The following LIMK2 variants were observed in gnomAD, a reference collection of about 807,000 sequenced individuals.
The protein encoded by LIMK2 is LIM domain kinase 2.
Under a neutral mutation model 75.7 loss-of-function variants are expected in LIMK2, and 35 were observed. The observed-to-expected ratio is 0.46, with a 90% CI of 0.35 to 0.61. LIMK2 has a LOEUF of 0.61. Ranked by LOEUF, LIMK2 falls within the 20% of genes least tolerant of loss-of-function variation. The probability of loss-of-function intolerance (pLI) is 0.00; values close to 1 mark genes in which losing one functional copy is unlikely to be tolerated. For synonymous variants in LIMK2, 301 were observed against 319.2 expected, an observed-to-expected ratio of 0.94 and a Z score of 0.61; for missense variants, 623 against 831.0, an observed-to-expected ratio of 0.75 and a Z score of 3.08.
chr22:31,228,415 A>G (rs2048497437), intron 2 of LIMK2, among the ~76,000 whole-genome samples: 1 of 151,982 alleles, frequency 6.6e-6, no homozygotes, highest in Non-Finnish European at 1.5e-5. Flanking sequence ...GGGAAACTCC[A>G]TCGCAAAAAA....
chr22:31,252,532 CTCTG>C (rs2048734984), intron 2 of LIMK2, among the ~76,000 whole-genome samples: 1 of 132,318 alleles, frequency 7.6e-6, no homozygotes, highest in Non-Finnish European at 1.6e-5. Context: ...CAGAGTAAGA[CTCTG>C]TCTCTTAAAA....
intron 2 of LIMK2, among the ~76,000 whole-genome samples, chr22:31,252,312 G>T (rs1427962237): frequency 1.3e-5 from 2 of 152,074 alleles, no homozygotes; most frequent in Non-Finnish European, 2.9e-5. Context: ...GGAGGCCAAG[G>T]CTGGAGGATC....
At chr22:31,258,459 G>A (rs1455910798) in intron 3 of LIMK2, 33 bp downstream of exon 3, 8 of 1,611,700 alleles carry the variant, frequency 5.0e-6, no homozygotes, top group Non-Finnish European at 6.8e-6. Flanking sequence ...GCCCCTCTTG[G>A]TCTTCAGAGT....
At chr22:31,232,090 C>T (rs935134587) in intron 2 of LIMK2, among the ~76,000 whole-genome samples, 5 of 151,774 alleles carry the variant, frequency 3.3e-5, no homozygotes, top group African/African-American at 9.7e-5. Flanking sequence ...CTTGGGATTA[C>T]GGAAGTAAGC....
At chr22:31,217,131 G>GT (rs1468119143) in intron 1 of LIMK2, among the ~76,000 whole-genome samples, 1 of 152,140 alleles carries the variant, frequency 6.6e-6, no homozygotes, top group Non-Finnish European at 1.5e-5. Flanking sequence ...GCCAGGTGCA[G>GT]TGGCTCACGC....
At position 31,248,277 on chromosome 22, in the gene LIMK2, A is replaced by G. The variant is rs942170988; in HGVS notation, c.117-10014A>G. 4 of 1,111,270 alleles carry G rather than the reference A, an allele frequency of 3.6e-6. No individual in the cohort carries two copies. In the African/African-American group the frequency reaches 5.0e-5, roughly 14 times the overall value. 68.8% of individuals were successfully genotyped at this position (1,111,270 alleles called of 1,614,324 possible). A position where few individuals can be genotyped will look rare whatever the true frequency, so the allele number is the denominator to read the frequency against. On this transcript the variant is annotated intron_variant, in intron 2 of 15. Coordinates refer to ENST00000331728, the MANE Select transcript of LIMK2 (RefSeq NM_005569.4). ...GGTCTGTTTCCTAACAGCTGCTCCA[A>G]CCACACACCTCGGTTCTGCGGGAGC...
chr22:31,257,136 C>T (rs932121320), intron 2 of LIMK2, among the ~76,000 whole-genome samples: 2 of 145,888 alleles, frequency 1.4e-5, no homozygotes, highest in African/African-American at 5.0e-5. Context: ...AAGTGATCCT[C>T]CCACCTCAGC....
rs1236499816 is a variant in LIMK2 at position 31,260,063 on chromosome 22, T to C, written c.537T>C (p.Thr179=). The C allele has an allele frequency of 1.3e-6, 2 of 1,578,926 alleles. No individual in the cohort carries two copies. Among genetic ancestry groups the C allele is most frequent in the Non-Finnish European group, 1.7e-6 (2 of 1,165,986 alleles). ...VESACSNYAT[T]VQVKEVNRMH... The stretch of plus-strand genomic sequence containing the variant: ...GTGCCTGCTCCAACTACGCCACCAC[T>C]GTGCAAGTGAAAGAGTAAGTATTTT... Residue 179 remains threonine, a synonymous_variant, in exon 5 of 16, where the codon ACT becomes ACC. Transcript: ENST00000331728.
At chr22:31,231,285 G>T (rs1462541284) in intron 2 of LIMK2, among the ~76,000 whole-genome samples, 1 of 152,188 alleles carries the variant, frequency 6.6e-6, no homozygotes, top group African/African-American at 2.4e-5. Flanking sequence ...GTCAACAAAA[G>T]TGCTGTTAAC....
At chr22:31,251,009 G>A (rs2048720087) in intron 2 of LIMK2, among the ~76,000 whole-genome samples, 1 of 152,172 alleles carries the variant, frequency 6.6e-6, no homozygotes, top group South Asian at 2.1e-4. Flanking sequence ...GGGAGCAAGG[G>A]AATGAAGAAT....
intron 4 of LIMK2, 84 bp from the exon 5 acceptor site, chr22:31,259,805 C>G: frequency 8.1e-7 from 1 of 1,235,118 alleles, no homozygotes; most frequent in Non-Finnish European, 1.1e-6. Context: ...GGTACTGTTG[C>G]TTAAAGCCAC....
chr22:31,278,004 G>A (rs754164595), intron 15 of LIMK2, among the ~76,000 whole-genome samples: 2 of 152,122 alleles, frequency 1.3e-5, no homozygotes, highest in African/African-American at 2.4e-5. Flanking sequence ...TGGTGTTTCC[G>A]ATTCCACCTT....
Position 31,265,812 on chromosome 22 carries a change from C to T in LIMK2, c.855-134C>T, listed in dbSNP as rs575814322. 20 of 668,848 alleles carry T rather than the reference C, an allele frequency of 3.0e-5. No homozygotes were observed. The East Asian group carries it at 5.3e-4, about 18-fold the overall frequency. The allele number at this position is 668,848 out of a possible 1,614,324, so 41.4% of individuals were successfully genotyped here. ...AAAATGATACATCTGATGTAAGAGC[C>T]CCTGTTCCCCAATAATAACATCTAA... is the stretch of plus-strand genomic sequence containing the variant. On this transcript the variant is annotated intron_variant, in intron 7 of 15. Coordinates refer to ENST00000331728, the MANE Select transcript of LIMK2 (RefSeq NM_005569.4).
intron 11 of LIMK2, among the ~76,000 whole-genome samples, chr22:31,268,629 T>C (rs1334024524): frequency 6.6e-6 from 1 of 152,094 alleles, no homozygotes; most frequent in Non-Finnish European, 1.5e-5. Context: ...AGGATTGAAG[T>C]GACAGGAGCA....
intron 2 of LIMK2, among the ~76,000 whole-genome samples, chr22:31,256,003 TTTTTTTTTTTTTTG>T (rs2048776231): frequency 8.5e-6 from 1 of 117,768 alleles, no homozygotes; most frequent in African/African-American, 3.5e-5. Context: ...TTTTTTTTTT[TTTTTTTTTTTTTTG>T]AGACGGAATC....
chr22:31,238,006 T>C (rs1243891631), intron 2 of LIMK2, among the ~76,000 whole-genome samples: 3 of 150,416 alleles, frequency 2.0e-5, no homozygotes, highest in African/African-American at 7.4e-5. Flanking sequence ...TCCCAGCTAC[T>C]TGGGAGGCCG....
intron 12 of LIMK2, 41 bp from the exon 13 acceptor site, chr22:31,272,489 A>G: frequency 6.4e-7 from 1 of 1,562,074 alleles, no homozygotes; most frequent in Non-Finnish European, 8.7e-7. Context: ...CAGGTTTGAG[A>G]ACATCCCCAT....
intron 14 of LIMK2, 138 bp downstream of exon 14, chr22:31,273,645 G>C (rs1388598175): frequency 2.3e-5 from 16 of 681,648 alleles, no homozygotes; most frequent in Non-Finnish European, 4.2e-5. Context: ...GGTTTATAAC[G>C]CATCTGCACA....
At chr22:31,272,438 C>G (rs1601444876) in intron 12 of LIMK2, 92 bp from the exon 13 acceptor site, 1 of 1,239,542 alleles carries the variant, frequency 8.1e-7, no homozygotes, top group Non-Finnish European at 1.1e-6. Context: ...CTTTTCTCCC[C>G]TTCTCAGTGG....
Sources: allele counts gnomAD v4.1 joint callset (sites outside exome capture counted in the v4.1 genomes callset), GRCh38; gene constraint gnomAD v4.1.1; transcripts MANE v1.5; gene names NCBI Gene and HGNC (gene_info 2026-07-23, HGNC 2026-07-21).